The following HECTD2 variants were observed in gnomAD, a reference collection of about 807,000 sequenced individuals.
HECTD2 encodes the protein probable E3 ubiquitin-protein ligase HECTD2.
In HECTD2, 35 loss-of-function variants were observed where a neutral mutation model predicts 103.2. The observed-to-expected ratio is 0.34, with a 90% CI of 0.26 to 0.45. HECTD2 has a LOEUF of 0.45. HECTD2 is among the 20% of genes least tolerant of loss of function. The pLI is 1.00. For synonymous variants in HECTD2, 281 were observed against 329.9 expected, an observed-to-expected ratio of 0.85 and a Z score of 1.61; for missense variants, 596 against 937.4, an observed-to-expected ratio of 0.64 and a Z score of 4.76.
At chr10:91,510,482 T>C (rs1204610066) in intron 20 of HECTD2, among the ~76,000 whole-genome samples, 1 of 152,188 alleles carries the variant, frequency 6.6e-6, no homozygotes, top group African/African-American at 2.4e-5. Flanking sequence ...TCATAAGATA[T>C]TCTTCTGGTA....
intron 1 of HECTD2, among the ~76,000 whole-genome samples, chr10:91,420,652 A>G (rs962954026): frequency 6.6e-6 from 1 of 152,298 alleles, no homozygotes; most frequent in East Asian, 1.9e-4. Flanking sequence ...GCAAAAGAGA[A>G]TTTATTGGAA....
intron 5 of HECTD2, among the ~76,000 whole-genome samples, chr10:91,467,510 A>G (rs563147292): frequency 6.6e-6 from 1 of 151,784 alleles, no homozygotes; most frequent in Non-Finnish European, 1.5e-5. Context: ...GCCTCGCCAC[A>G]CTCACTTGCA....
chr10:91,470,245 C>T (rs1845676852), intron 5 of HECTD2, among the ~76,000 whole-genome samples: 1 of 152,158 alleles, frequency 6.6e-6, no homozygotes, highest in Non-Finnish European at 1.5e-5. Flanking sequence ...CTCTCCACCC[C>T]AAAACAACAG....
At chr10:91,505,715 G>A (rs1008479523) in intron 20 of HECTD2, among the ~76,000 whole-genome samples, 29 of 148,568 alleles carry the variant, frequency 2.0e-4, no homozygotes, top group South Asian at 2.2e-4. Context: ...ACAGATCAAC[G>A]AGACAGAAAG....
intron 2 of HECTD2, among the ~76,000 whole-genome samples, chr10:91,456,994 A>G (rs1294805488): frequency 1.3e-5 from 2 of 152,096 alleles, no homozygotes; most frequent in East Asian, 3.9e-4. Flanking sequence ...GAAATAGGAG[A>G]TATTACAACA....
At chr10:91,465,169 G>T (rs898512178) in intron 5 of HECTD2, among the ~76,000 whole-genome samples, 63 of 152,256 alleles carry the variant, frequency 4.1e-4, no homozygotes, top group Middle Eastern at 6.8e-3. Flanking sequence ...AAACAAACGA[G>T]TAAATATATC....
Position 91,512,426 on chromosome 10 carries a change from C to T in HECTD2, c.*42C>T, listed in dbSNP as rs201083243. 1 of 1,563,596 alleles carries T rather than the reference C, an allele frequency of 6.4e-7. No homozygotes were observed. The highest frequency in any genetic ancestry group is 1.2e-5 in the South Asian group (1 of 86,912). The stretch of plus-strand genomic sequence containing the variant: ...TATAATCTTTTATATGTAGCATTCA[C>T]TTCCCTCTTACTGTGCCTTTAGCCT... On this transcript the variant is annotated 3_prime_UTR_variant, in exon 21 of 21. Transcript: ENST00000298068.
chr10:91,477,259 T>A (rs1205670910), intron 5 of HECTD2, among the ~76,000 whole-genome samples: 2 of 151,904 alleles, frequency 1.3e-5, no homozygotes, highest in Admixed American at 1.3e-4. Flanking sequence ...CTAGGAATGA[T>A]GCTGGGAAGG....
chr10:91,509,489 A>G (rs1226120712), intron 20 of HECTD2, among the ~76,000 whole-genome samples: 4 of 152,148 alleles, frequency 2.6e-5, no homozygotes, highest in East Asian at 1.9e-4. Flanking sequence ...TTATTCTGTC[A>G]TAAAGACACA....
chr10:91,479,771 G>A (rs1350207732), intron 6 of HECTD2, among the ~76,000 whole-genome samples: 2 of 152,088 alleles, frequency 1.3e-5, no homozygotes, highest in African/African-American at 4.8e-5. Flanking sequence ...TTATGATAAT[G>A]TATACTTCTA....
chr10:91,500,399 TGAG>T, intron 18 of HECTD2, 100 bp from the exon 19 acceptor site: 1 of 495,072 alleles, frequency 2.0e-6, no homozygotes, highest in Non-Finnish European at 3.7e-6. Flanking sequence ...TGATTTACTA[TGAG>T]AAATCATGAC....
At chr10:91,505,387 G>A (rs989139398) in intron 20 of HECTD2, among the ~76,000 whole-genome samples, 1 of 152,162 alleles carries the variant, frequency 6.6e-6, no homozygotes, top group African/African-American at 2.4e-5. Context: ...CATCTCACAT[G>A]CAGGGACACA....
At chr10:91,483,866 GCAGCA>G (rs991491870) in intron 8 of HECTD2, among the ~76,000 whole-genome samples, 3 of 151,856 alleles carry the variant, frequency 2.0e-5, no homozygotes, top group African/African-American at 7.2e-5. Flanking sequence ...CTCACGGCTA[GCAGCA>G]CTGTAACTCA....
At chr10:91,452,345 C>T (rs563493816) in intron 2 of HECTD2, among the ~76,000 whole-genome samples, 2 of 152,204 alleles carry the variant, frequency 1.3e-5, no homozygotes, top group East Asian at 1.9e-4. Context: ...CATAATTAAA[C>T]TTGTCAAAAC....
At chr10:91,491,446 A>T (rs1846474877) in intron 12 of HECTD2, 139 bp downstream of exon 12, 1 of 498,268 alleles carries the variant, frequency 2.0e-6, no homozygotes, top group Non-Finnish European at 3.5e-6. Flanking sequence ...CTTGTTGCAT[A>T]CCAAGCTTCT....
At chr10:91,444,830 A>G (rs2133125578) in intron 2 of HECTD2, among the ~76,000 whole-genome samples, 1 of 152,308 alleles carries the variant, frequency 6.6e-6, no homozygotes, top group South Asian at 2.1e-4. Context: ...ACAGTGAAAA[A>G]AGCCAAAATA....
chr10:91,481,661 TAATA>T (rs1846090207), intron 7 of HECTD2, among the ~76,000 whole-genome samples: 1 of 151,718 alleles, frequency 6.6e-6, no homozygotes, highest in Admixed American at 6.6e-5. Flanking sequence ...AGATACAGAT[TAATA>T]GATACAAAAA....
intron 5 of HECTD2, among the ~76,000 whole-genome samples, chr10:91,476,662 A>T (rs1162122587): frequency 6.6e-6 from 1 of 152,178 alleles, no homozygotes; most frequent in Non-Finnish European, 1.5e-5. Context: ...AGTGACAGAG[A>T]TGCTTGCCCT....
intron 5 of HECTD2, among the ~76,000 whole-genome samples, chr10:91,476,351 A>G (rs756405268): frequency 3.3e-5 from 5 of 152,118 alleles, no homozygotes; most frequent in Non-Finnish European, 5.9e-5. Flanking sequence ...CCAGGCAGGT[A>G]TGGAAGCCCA....
Sources: allele counts gnomAD v4.1 joint callset (sites outside exome capture counted in the v4.1 genomes callset), GRCh38; gene constraint gnomAD v4.1.1; transcripts MANE v1.5; gene names NCBI Gene and HGNC (gene_info 2026-07-23, HGNC 2026-07-21).